The following EIF2AK3 variants were observed in gnomAD, a reference collection of about 807,000 sequenced individuals.
EIF2AK3 encodes the protein eukaryotic translation initiation factor 2-alpha kinase 3.
A neutral mutation model predicts 113.5 loss-of-function variants in EIF2AK3; 50 were observed. The ratio of observed to expected loss-of-function variants is 0.44; its 90% CI spans 0.35 to 0.56. The LOEUF (loss-of-function observed/expected upper bound fraction) is 0.56. Among genes scored for constraint, EIF2AK3 ranks in the 20% least tolerant of loss-of-function variants. The pLI, the probability that EIF2AK3 is intolerant of heterozygous loss-of-function variation, is 0.00. For synonymous variants in EIF2AK3, 448 were observed against 495.4 expected (o/e 0.90, Z 1.27); for missense variants, 1,185 against 1,378.0 (o/e 0.86, Z 2.22).
At chr2:88,573,508 G>T (rs1454163549) in intron 13 of EIF2AK3, among the ~76,000 whole-genome samples, 1 of 152,034 alleles carries the variant, frequency 6.6e-6, no homozygotes, top group Non-Finnish European at 1.5e-5. Context: ...TCAAATTAGG[G>T]GTGTGTGGTC....
intron 14 of EIF2AK3, among the ~76,000 whole-genome samples, chr2:88,570,527 T>C (rs1292623920): frequency 6.6e-6 from 1 of 152,236 alleles, no homozygotes; most frequent in Non-Finnish European, 1.5e-5. Flanking sequence ...CCTCTGGGTC[T>C]AGCTGGCTCT....
intron 2 of EIF2AK3, among the ~76,000 whole-genome samples, chr2:88,603,185 C>T (rs1675195854): frequency 6.6e-6 from 1 of 152,156 alleles, no homozygotes; most frequent in South Asian, 2.1e-4. Flanking sequence ...CCCCTGGGTC[C>T]CTGACTCTAC....
intron 2 of EIF2AK3, among the ~76,000 whole-genome samples, chr2:88,611,919 G>A (rs1270898221): frequency 2.0e-5 from 3 of 152,106 alleles, no homozygotes; most frequent in East Asian, 1.9e-4. Flanking sequence ...CACCACGCCC[G>A]GCCTACGATT....
At position 88,575,461 on chromosome 2, in the gene EIF2AK3, A is replaced by G. The variant is rs763030610; in HGVS notation, c.2037-15T>C. ...GCCAGTCTGTGCTAAAAGTGGGAGA[A>G]ATACAAAGGGGTAAGAGTGAATATA... On this transcript the variant is annotated splice_polypyrimidine_tract_variant and intron_variant, in intron 12 of 16. Coordinates refer to ENST00000303236, the MANE Select transcript of EIF2AK3 (RefSeq NM_004836.7). The G allele has an allele frequency of 3.1e-6, 5 of 1,602,928 alleles. No individual in the cohort carries two copies. In the Admixed American group the frequency reaches 8.3e-5, roughly 27 times the overall value.
At chr2:88,621,998 T>A (rs1288470526) in intron 1 of EIF2AK3, among the ~76,000 whole-genome samples, 1 of 150,522 alleles carries the variant, frequency 6.6e-6, no homozygotes, top group Non-Finnish European at 1.5e-5. Context: ...CCGGGTTCAA[T>A]TGATTATCCT....
intron 1 of EIF2AK3, among the ~76,000 whole-genome samples, chr2:88,617,025 A>C (rs1675604368): frequency 6.6e-6 from 1 of 152,236 alleles, no homozygotes; most frequent in East Asian, 1.9e-4. Context: ...GTTGGAATTA[A>C]GAAGCACCAC....
Position 88,627,229 on chromosome 2 carries a change from G to A in EIF2AK3, c.46C>T (p.Leu16=). 6.8e-7 allele frequency: 1 copy of A among 1,478,478 alleles called. No homozygotes were observed. Among genetic ancestry groups the A allele is most frequent in the Non-Finnish European group, 8.9e-7 (1 of 1,121,030 alleles). The allele number at this position is 1,478,478 out of a possible 1,614,324, so 91.6% of individuals were successfully genotyped here. Residue 16 remains leucine (L), a synonymous_variant, in exon 1 of 17, where the codon CTG becomes TTG. Coordinates refer to ENST00000303236, the MANE Select transcript of EIF2AK3 (RefSeq NM_004836.7). Reference sequence around the variant, plus strand: ...GCGAGCCCCAGCAGCAGCAGCAGCAGCAGCAGCGCCCGTACCAGCAGCCCC... The same window carrying A: ...GCGAGCCCCAGCAGCAGCAGCAGCAACAGCAGCGCCCGTACCAGCAGCCCC... ...SPGLLVRALL[L]LLLLLGLAAR... is the part of the protein sequence containing the mutation.
chr2:88,604,232 G>A (rs998347551), intron 2 of EIF2AK3, among the ~76,000 whole-genome samples: 1 of 152,084 alleles, frequency 6.6e-6, no homozygotes, highest in African/African-American at 2.4e-5. Flanking sequence ...ACTAGACCCT[G>A]CATAACCTGA....
chr2:88,564,541 C>T (rs993690358), intron 14 of EIF2AK3, among the ~76,000 whole-genome samples: 4 of 151,964 alleles, frequency 2.6e-5, no homozygotes, highest in African/African-American at 9.7e-5. Context: ...CAAATGGCAA[C>T]CCATTTCCAA....
intron 14 of EIF2AK3, among the ~76,000 whole-genome samples, chr2:88,563,940 C>G (rs1033635958): frequency 6.6e-6 from 1 of 151,638 alleles, no homozygotes; most frequent in Non-Finnish European, 1.5e-5. Context: ...GTTATATGTC[C>G]CTATACTTTC....
At chr2:88,625,326 C>G (rs112261334) in intron 1 of EIF2AK3, among the ~76,000 whole-genome samples, 9 of 130,912 alleles carry the variant, frequency 6.9e-5, no homozygotes, top group Admixed American at 3.2e-4. Flanking sequence ...CACACACACA[C>G]AGACATACAC....
intron 1 of EIF2AK3, among the ~76,000 whole-genome samples, chr2:88,616,465 C>T (rs965737910): frequency 2.0e-5 from 3 of 152,252 alleles, no homozygotes; most frequent in East Asian, 3.9e-4. Context: ...GCGCTCTTGT[C>T]GCCCAGGCTG....
chr2:88,612,369 C>G (rs969332433), intron 2 of EIF2AK3, among the ~76,000 whole-genome samples: 4 of 152,218 alleles, frequency 2.6e-5, no homozygotes, highest in South Asian at 4.1e-4. Flanking sequence ...CATGCATACC[C>G]AAGCATAATC....
chr2:88,600,028 C>G (rs898784949), intron 2 of EIF2AK3, among the ~76,000 whole-genome samples: 1 of 152,140 alleles, frequency 6.6e-6, no homozygotes, highest in Non-Finnish European at 1.5e-5. Context: ...AGCATTAACT[C>G]AGTAAGTGCA....
chr2:88,582,795 C>T (rs1357490806), intron 10 of EIF2AK3, among the ~76,000 whole-genome samples: 2 of 152,022 alleles, frequency 1.3e-5, no homozygotes, highest in African/African-American at 4.8e-5. Flanking sequence ...TTTTCCTTGT[C>T]CCCATATCAC....
At chr2:88,573,170 T>C (rs1674361219) in intron 13 of EIF2AK3, among the ~76,000 whole-genome samples, 1 of 151,980 alleles carries the variant, frequency 6.6e-6, no homozygotes, top group South Asian at 2.1e-4. Context: ...AATTGTCTTC[T>C]ATTTAGAAAG....
At chr2:88,603,459 A>G (rs1186841651) in intron 2 of EIF2AK3, among the ~76,000 whole-genome samples, 1 of 152,214 alleles carries the variant, frequency 6.6e-6, no homozygotes, top group South Asian at 2.1e-4. Flanking sequence ...AAAACTTTCA[A>G]TAAGACTAAC....
Position 88,575,031 on chromosome 2 carries a change from T to C in EIF2AK3, c.2452A>G (p.Ser818Gly), listed in dbSNP as rs1397242777. 46 of 1,614,096 alleles carry C rather than the reference T, an allele frequency of 2.8e-5. No individual in the cohort carries two copies. The highest frequency in any genetic ancestry group is 3.4e-5 in the Non-Finnish European group (40 of 1,180,034). Residue 818 changes from serine (S) to glycine (G), a missense_variant, in exon 13 of 17, where the codon AGT becomes GGT. Ser to Gly is a moderately conservative substitution (Grantham distance 56). Coordinates refer to ENST00000303236, the MANE Select transcript of EIF2AK3 (RefSeq NM_004836.7). ...CGATTAGTTTTCGGCTCTTCTTTAC[T>C]GGAAGCATTATCACAGCCAGAATCT... ...FEDSGCDNAS[S>G]KEEPKTNRLH...
intron 1 of EIF2AK3, 41 bp downstream of exon 1, chr2:88,626,926 C>G: frequency 6.2e-7 from 1 of 1,602,962 alleles, no homozygotes; most frequent in Non-Finnish European, 8.5e-7. Flanking sequence ...GCGGCTCGCG[C>G]GCGTAAACAA....
Sources: gnomAD v4.1 joint callset for allele counts (sites outside exome capture counted in the v4.1 genomes callset) on GRCh38, gnomAD v4.1.1 for gene constraint, MANE v1.5 for transcripts, NCBI Gene and HGNC (gene_info 2026-07-23, HGNC 2026-07-21) for gene names.